The following NFASC variants were observed in gnomAD, a reference collection of about 807,000 sequenced individuals.
NFASC encodes the protein neurofascin.
In NFASC, 43 loss-of-function variants were observed where a neutral mutation model predicts 147.5. That is an observed-to-expected ratio of 0.29 (90% CI 0.23 to 0.38). The LOEUF is 0.38. NFASC is among the 10% of genes least tolerant of loss of function. The pLI, the probability that NFASC is intolerant of heterozygous loss-of-function variation, is 1.00. For synonymous variants in NFASC, 622 were observed against 665.5 expected (o/e 0.93, Z 1.01); for missense variants, 1,320 against 1,689.0 (o/e 0.78, Z 3.83).
intron 1 of NFASC, among the ~76,000 whole-genome samples, chr1:204,863,894 G>A (rs1406457377): frequency 2.1e-5 from 3 of 143,152 alleles, no homozygotes; most frequent in African/African-American, 7.7e-5. Flanking sequence ...AAGGAAGGAA[G>A]GAAGGATGGA....
In NFASC at chr1:204,997,410, C is replaced by T. The variant is rs564354380; in HGVS notation, c.3019+4C>T. ...GGGACTAAGATACACGAATCCGGTACTGCGCATCGCCCATGCTCCCCATCC... is the reference window on the plus strand; with the variant it reads ...GGGACTAAGATACACGAATCCGGTATTGCGCATCGCCCATGCTCCCCATCC... On this transcript the variant is annotated splice_donor_region_variant and intron_variant, in intron 25 of 29. Transcript: ENST00000339876. 7.1e-6 allele frequency: 11 copies of T among 1,551,936 alleles called. No homozygotes were observed. In the African/African-American group the frequency reaches 1.5e-4, roughly 21 times the overall value.
chr1:204,954,191 C>T lies in NFASC; in HGVS notation c.219C>T (p.Phe73=). 6.2e-7 allele frequency: 1 copy of T among 1,614,190 alleles called. No individual in the cohort carries two copies. The highest frequency in any genetic ancestry group is 8.5e-7 in the Non-Finnish European group (1 of 1,180,028). Residue 73 remains phenylalanine (F), a synonymous_variant, in exon 6 of 30, where the codon TTC becomes TTT. Coordinates refer to ENST00000339876, the MANE Select transcript of NFASC (RefSeq NM_001005388.3). This position sits in a 1 kb window ranked among gnomAD's most constrained non-coding sequence, Gnocchi z 5.7. ...CACTGCTCCCCACTCTCCACAGCTT[C>T]CACTGGACACGAAACAGCAGATTCT... ...CEAKGNPAPS[F]HWTRNSRFFN... is the part of the protein sequence containing the mutation.
intron 1 of NFASC, among the ~76,000 whole-genome samples, chr1:204,883,974 T>A (rs2080829203): frequency 1.3e-5 from 2 of 152,160 alleles, no homozygotes; most frequent in Non-Finnish European, 2.9e-5. Context: ...CCCAGGTGGG[T>A]AACCCAGTGG....
intron 1 of NFASC, among the ~76,000 whole-genome samples, chr1:204,905,728 G>T (rs149368699): frequency 6.6e-6 from 1 of 152,082 alleles, no homozygotes; most frequent in African/African-American, 2.4e-5. Flanking sequence ...TTCTGCTGTG[G>T]TGAATAGGAC....
At chr1:204,985,765 T>C (rs2095603345) in intron 21 of NFASC, 1 of 606,570 alleles carries the variant, frequency 1.6e-6, no homozygotes, top group Non-Finnish European at 3.0e-6. Flanking sequence ...AAAAGGCTGC[T>C]TCCTCAGCCT....
At chr1:204,840,982 A>G (rs1675178347) in intron 1 of NFASC, among the ~76,000 whole-genome samples, 1 of 152,232 alleles carries the variant, frequency 6.6e-6, no homozygotes, top group Admixed American at 6.5e-5. Context: ...TGTAGATGCT[A>G]GTGTTTTACA....
chr1:204,949,368 G>A (rs2093971133), intron 3 of NFASC, among the ~76,000 whole-genome samples: 1 of 152,182 alleles, frequency 6.6e-6, no homozygotes, highest in Admixed American at 6.5e-5. Context: ...CTCAAGTCAA[G>A]TAGGAAGGCT....
intron 1 of NFASC, among the ~76,000 whole-genome samples, chr1:204,840,448 G>A (rs16854511): frequency 3.3e-5 from 5 of 152,160 alleles, no homozygotes; most frequent in African/African-American, 9.7e-5. Flanking sequence ...TGCTTTTCAC[G>A]TGGCTATATC....
chr1:205,009,730 T>C, intron 28 of NFASC, 42 bp downstream of exon 28: 2 of 1,597,604 alleles, frequency 1.3e-6, no homozygotes, highest in East Asian at 2.3e-5. Flanking sequence ...GTGGGGCACG[T>C]CCACTTTCCC....
At chr1:204,950,449 A>G (rs1344500609) in intron 3 of NFASC, 108 bp from the exon 4 acceptor site, 23 of 1,032,938 alleles carry the variant, frequency 2.2e-5, no homozygotes, top group Non-Finnish European at 7.4e-6. Context: ...CCCCAGGCAC[A>G]CCCCGCCCAC....
intron 3 of NFASC, chr1:204,946,186 T>C (rs769840420): frequency 2.5e-6 from 1 of 400,674 alleles, no homozygotes; most frequent in Non-Finnish European, 5.2e-6. Context: ...CTCAAGCCTT[T>C]GCTAGCTTAG....
chr1:204,863,965 A>T (rs1209166435), intron 1 of NFASC, among the ~76,000 whole-genome samples: 1 of 151,990 alleles, frequency 6.6e-6, no homozygotes, highest in East Asian at 1.9e-4. Context: ...AGAAAGAAAG[A>T]GAAAGAAAAG....
intron 25 of NFASC, chr1:204,998,939 C>A (rs2095911060): frequency 6.6e-6 from 1 of 152,224 alleles, no homozygotes; most frequent in Admixed American, 6.5e-5. Flanking sequence ...TGGCCTTGAT[C>A]TTATCTAGAC....
intron 25 of NFASC, chr1:205,000,347 C>G (rs2095949126): frequency 6.6e-6 from 1 of 152,220 alleles, no homozygotes; most frequent in Admixed American, 6.5e-5. Flanking sequence ...CCAGGCTTCT[C>G]TCTGACCAAG....
intron 28 of NFASC, 61 bp from the exon 29 acceptor site, chr1:205,012,736 A>G (rs1367944275): frequency 1.6e-6 from 2 of 1,246,752 alleles, no homozygotes; most frequent in Non-Finnish European, 2.4e-6. Context: ...GTGGAGCCCT[A>G]GAGAGCAGGG....
In NFASC at chr1:204,885,390, G is replaced by T. The variant is rs61090959; in HGVS notation, c.-199-35242G>T. Among the ~76,000 whole-genome samples the T allele has an allele frequency of 0.02, 2,326 of 114,802 alleles. 143 individuals are homozygous for T. The East Asian group carries it at 0.45, about 22-fold the overall frequency. 75.3% of individuals were successfully genotyped at this position (114,802 alleles called of 152,430 possible). A position where few individuals can be genotyped will look rare whatever the true frequency, so the allele number is the denominator to read the frequency against. ...ACCTTCACCCTCCCCTTTGCCCTGT[G>T]GGGGGGGAAGCATGGTACACTGGGC... On this transcript the variant is annotated intron_variant, in intron 1 of 29. Transcript: ENST00000339876.
chr1:204,939,746 G>A (rs140848349), intron 2 of NFASC, among the ~76,000 whole-genome samples: 3 of 152,372 alleles, frequency 2.0e-5, no homozygotes, highest in African/African-American at 7.2e-5. Context: ...GGGAAGTGTG[G>A]ACTTGATTGC....
At chr1:204,923,879 C>G (rs1010032121) in intron 2 of NFASC, among the ~76,000 whole-genome samples, 1 of 152,216 alleles carries the variant, frequency 6.6e-6, no homozygotes, top group Non-Finnish European at 1.5e-5. Flanking sequence ...GCAATCATGT[C>G]TAGACCCCTC....
At chr1:204,953,988 G>A (rs2094292065) in intron 5 of NFASC, among the ~76,000 whole-genome samples, 200 bp from the exon 6 acceptor site, 1 of 152,192 alleles carries the variant, frequency 6.6e-6, no homozygotes, top group Admixed American at 6.5e-5. Context: ...ACTTGGGTGG[G>A]ACCTGGGACT....
Sources: gnomAD v4.1 joint callset for allele counts (sites outside exome capture counted in the v4.1 genomes callset) on GRCh38, gnomAD v4.1.1 for gene constraint, Gnocchi (gnomAD v3.1) non-coding constraint, MANE v1.5 for transcripts, NCBI Gene and HGNC (gene_info 2026-07-23, HGNC 2026-07-21) for gene names.